FBXO11: variants seen among roughly 807,000 people sequenced by gnomAD.
FBXO11 encodes the protein F-box only protein 11.
A neutral mutation model predicts 117.0 loss-of-function variants in FBXO11; 13 were observed. That is an observed-to-expected ratio of 0.11 (90% confidence interval 0.07 to 0.18). The LOEUF (loss-of-function observed/expected upper bound fraction) is 0.18, where lower values mean the gene tolerates loss of function less well. Ranked by LOEUF, FBXO11 falls within the 10% of genes least tolerant of loss-of-function variation. The pLI, the probability that FBXO11 is intolerant of heterozygous loss-of-function variation, is 1.00. For missense variants in FBXO11, 767 were observed against 1,164.4 expected (o/e 0.66, Z 4.97); for synonymous variants, 490 against 380.5 (o/e 1.29, Z -3.35).
At chr2:47,882,240 C>T (rs914245649) in intron 1 of FBXO11, among the ~76,000 whole-genome samples, 2 of 152,156 alleles carry the variant, frequency 1.3e-5, no homozygotes, top group Non-Finnish European at 2.9e-5. Flanking sequence ...ACTTTACTTT[C>T]TTATCTTATA....
At chr2:47,886,351 C>A (rs1288225901) in intron 1 of FBXO11, among the ~76,000 whole-genome samples, 1 of 151,808 alleles carries the variant, frequency 6.6e-6, no homozygotes, top group Non-Finnish European at 1.5e-5. Context: ...ACTAAAAATG[C>A]AAAAATTAGC....
chr2:47,849,534 A>C (rs943550333), intron 1 of FBXO11, among the ~76,000 whole-genome samples: 1 of 152,234 alleles, frequency 6.6e-6, no homozygotes, highest in African/African-American at 2.4e-5. Context: ...TTGGTGACAC[A>C]GGTCAATCAA....
In FBXO11 at chr2:47,905,641, G is replaced by GGCT. The variant is rs771605473; in HGVS notation, c.77_79dup (p.Gln26dup). 299 of 1,433,892 alleles carry GGCT rather than the reference G, an allele frequency of 2.1e-4. 2 individuals are homozygous for GGCT. The Admixed American group carries it at 6.7e-3, about 32-fold the overall frequency. 88.8% of individuals were successfully genotyped at this position (1,433,892 alleles called of 1,614,324 possible). A position where few individuals can be genotyped will look rare whatever the true frequency, so the allele number is the denominator to read the frequency against. On this transcript the variant is annotated inframe_insertion, in exon 1 of 23. Transcript: ENST00000403359. Reference sequence around the variant, plus strand: ...CGGCTGCGGCGGCGGCTGCTGCGGGGGCTGCTGCTGCTGTTGCTGCACCGG... The same window carrying GGCT: ...CGGCTGCGGCGGCGGCTGCTGCGGGGGCTGCTGCTGCTGCTGTTGCTGCACCGG...
Position 47,839,658 on chromosome 2 carries a change from G to C in FBXO11, c.344C>G (p.Thr115Arg). 1.2e-6 allele frequency: 2 copies of C among 1,614,074 alleles called. No homozygotes were observed. The highest frequency in any genetic ancestry group is 1.7e-6 in the Non-Finnish European group (2 of 1,180,010). Residue 115 changes from threonine to arginine, a missense_variant, in exon 2 of 23, where the codon ACA (threonine) becomes AGA (arginine). Physicochemically the swap from Thr to Arg is moderately conservative, Grantham distance 71 (BLOSUM62 -1). Around this residue, in one of 10 missense-constraint regions of FBXO11, gnomAD observed 355 missense variants for 299.8 expected, o/e 1.18. Coordinates refer to ENST00000403359, the MANE Select transcript of FBXO11 (RefSeq NM_001190274.2). ...TLLPKRTACP[T>R]KNSMEGASTS... ...TAAAGTTACCTCCATACTGTTCTTTGTGGGACACGCTGTTCTTTTCGGCAA... is the reference window on the plus strand; with the variant it reads ...TAAAGTTACCTCCATACTGTTCTTTCTGGGACACGCTGTTCTTTTCGGCAA...
chr2:47,874,867 CTTT>C (rs377037169), intron 1 of FBXO11, among the ~76,000 whole-genome samples: 9 of 128,878 alleles, frequency 7.0e-5, no homozygotes, highest in African/African-American at 1.7e-4. Context: ...TGTCTCAGGA[CTTT>C]TTTTTTTTTT....
At chr2:47,897,701 CAAAA>C (rs60982405) in intron 1 of FBXO11, among the ~76,000 whole-genome samples, 11 of 103,110 alleles carry the variant, frequency 1.1e-4, no homozygotes, top group Middle Eastern at 5.9e-3. Context: ...TGTCTTAAAC[CAAAA>C]AAAAAAAAAA....
chr2:47,858,761 AG>A (rs756334643), intron 1 of FBXO11, among the ~76,000 whole-genome samples: 41 of 151,464 alleles, frequency 2.7e-4, no homozygotes, highest in Non-Finnish European at 5.0e-4. Context: ...ATCTAGAAAA[AG>A]GGTCGGGCGC....
At chr2:47,875,614 T>C (rs1675943464) in intron 1 of FBXO11, among the ~76,000 whole-genome samples, 1 of 152,168 alleles carries the variant, frequency 6.6e-6, no homozygotes, top group Non-Finnish European at 1.5e-5. Context: ...TAATGGATGT[T>C]AGGTTTATAA....
chr2:47,808,543 T>C, intron 21 of FBXO11, 116 bp from the exon 22 acceptor site: 1 of 790,146 alleles, frequency 1.3e-6, no homozygotes, highest in Non-Finnish European at 1.9e-6. Context: ...CAAAATTCTT[T>C]GTGGCTCCAG....
intron 1 of FBXO11, among the ~76,000 whole-genome samples, chr2:47,901,101 ATATGTATATATG>A (rs1678242687): frequency 9.2e-6 from 1 of 108,656 alleles, no homozygotes; most frequent in African/African-American, 3.3e-5. Context: ...ATATACATAT[ATATGTATATATG>A]TACACACGTG....
chr2:47,853,602 T>TG (rs1207195031), intron 1 of FBXO11, among the ~76,000 whole-genome samples: 2 of 152,184 alleles, frequency 1.3e-5, no homozygotes, highest in Non-Finnish European at 2.9e-5. Context: ...CCTGTTATCT[T>TG]GCATAAGTAC....
At chr2:47,884,548 G>C (rs1040987488) in intron 1 of FBXO11, among the ~76,000 whole-genome samples, 1 of 152,098 alleles carries the variant, frequency 6.6e-6, no homozygotes, top group African/African-American at 2.4e-5. Flanking sequence ...ATGATTTCTA[G>C]AGAAGATGCA....
chr2:47,891,147 C>T (rs181479915), intron 1 of FBXO11, among the ~76,000 whole-genome samples: 24 of 152,228 alleles, frequency 1.6e-4, no homozygotes, highest in Admixed American at 1.4e-3. Flanking sequence ...TATTCTCATA[C>T]ATGAATACTA....
At chr2:47,888,670 T>TA (rs1677044346) in intron 1 of FBXO11, 8 of 983,804 alleles carry the variant, frequency 8.1e-6, no homozygotes, top group Non-Finnish European at 9.7e-6. Context: ...AATTTCCTGT[T>TA]AGACAGTTTT....
chr2:47,828,419 C>A (rs112643438), intron 11 of FBXO11, among the ~76,000 whole-genome samples: 10,866 of 152,138 alleles, frequency 0.071, 553 homozygotes, highest in Non-Finnish European at 0.11. Flanking sequence ...ACCAGCCTGG[C>A]CAACATGGTA....
intron 1 of FBXO11, 121 bp from the exon 2 acceptor site, chr2:47,839,890 TC>T (rs1672880034): frequency 1.3e-6 from 1 of 756,526 alleles, no homozygotes; most frequent in South Asian, 2.0e-5. Context: ...TATATGAAAT[TC>T]CAACCAACTG....
At chr2:47,842,343 A>C (rs979460398) in intron 1 of FBXO11, among the ~76,000 whole-genome samples, 2 of 152,216 alleles carry the variant, frequency 1.3e-5, no homozygotes, top group African/African-American at 4.8e-5. Flanking sequence ...AATGGGAAAC[A>C]TAAAAGGCTT....
intron 16 of FBXO11, among the ~76,000 whole-genome samples, chr2:47,815,272 C>T (rs1311456755): frequency 6.6e-6 from 1 of 152,184 alleles, no homozygotes; most frequent in African/African-American, 2.4e-5. Context: ...GTCGGGAAAC[C>T]CAGCAAAGCC....
rs1377067214 is a variant in FBXO11 at position 47,832,969 on chromosome 2, T to C, written c.1036A>G (p.Ile346Val). Reference sequence around the variant, plus strand: ...TAAATCTTAACATGTCTTACCCTTATTGTCATATATCCAACATAAGCATCT... The same window carrying C: ...TAAATCTTAACATGTCTTACCCTTACTGTCATATATCCAACATAAGCATCT... The part of the protein sequence containing the change: ...SEDAYVGYMT[I>V]RFNPDDKSAQ... The change falls in exon 8 of 23, where the codon ATA becomes GTA. Residue 346 changes from isoleucine (I) to valine (V), a missense_variant. Physicochemically the swap from Ile to Val is conservative, Grantham distance 29 (BLOSUM62 3). Around this residue, in one of 10 missense-constraint regions of FBXO11, gnomAD observed 123 missense variants for 145.0 expected, o/e 0.85. Transcript: ENST00000403359. The C allele has an allele frequency of 3.1e-6, 5 of 1,609,260 alleles. No individual in the cohort carries two copies. Among genetic ancestry groups the C allele is most frequent in the East Asian group, 4.5e-5 (2 of 44,804 alleles).
Sources: allele counts gnomAD v4.1 joint callset (sites outside exome capture counted in the v4.1 genomes callset), GRCh38; gene constraint gnomAD v4.1.1; regional missense constraint gnomAD v4.1.1; transcripts MANE v1.5; gene names NCBI Gene and HGNC (gene_info 2026-07-23, HGNC 2026-07-21).